LIPA: variants seen among roughly 807,000 people sequenced by gnomAD.
LIPA encodes lysosomal acid lipase/cholesteryl ester hydrolase.
In LIPA, 26 loss-of-function variants were observed where a neutral mutation model predicts 40.6. The ratio of observed to expected loss-of-function variants is 0.64; its 90% CI spans 0.47 to 0.89. The LOEUF (loss-of-function observed/expected upper bound fraction) is 0.89, where lower values mean the gene tolerates loss of function less well. Ranked by LOEUF, LIPA falls within the 40% of genes least tolerant of loss-of-function variation. LIPA has a pLI of 0.00. For missense variants in LIPA, 455 were observed against 479.6 expected (o/e 0.95, Z 0.48); for synonymous variants, 188 against 168.4 (o/e 1.12, Z -0.90).
At chr10:89,361,875 CTTTTTTTTTTTTTTTTTTTTT>C (rs59818683) in intron 2 of LIPA, among the ~76,000 whole-genome samples, 2 of 40,410 alleles carry the variant, frequency 4.9e-5, no homozygotes, top group Non-Finnish European at 9.4e-5. Flanking sequence ...CTCCACCTGC[CTTTTTTTTTTTTTTTTTTTTT>C]TTTTTTTTTT....
Position 89,403,256 on chromosome 10 carries a change from T to G in LIPA, c.61+9535A>C, listed in dbSNP as rs1326036048. 4 of 1,614,092 alleles carry G rather than the reference T, an allele frequency of 2.5e-6. No homozygotes were observed. In the Admixed American group the frequency reaches 5.0e-5, roughly 20 times the overall value. ...ACAAAATGATAAGATCAGCCATATT[T>G]CATTTTGAATCTGCAGTGGAAAAAA... On this transcript the variant is annotated intron_variant, in intron 2 of 8. Transcript: ENST00000371837.
At chr10:89,321,411 C>A (rs1283234083) in intron 1 of LIPA, among the ~76,000 whole-genome samples, 2 of 152,048 alleles carry the variant, frequency 1.3e-5, no homozygotes, top group Non-Finnish European at 2.9e-5. Context: ...TGGGCAAAGG[C>A]TATGAATGGA....
At chr10:89,292,446 T>C (rs1843379954) in intron 1 of LIPA, 1 of 152,158 alleles carries the variant, frequency 6.6e-6, no homozygotes. Flanking sequence ...TAGTCAAAGC[T>C]CCACATTAGA....
intron 2 of LIPA, among the ~76,000 whole-genome samples, chr10:89,401,859 G>A (rs1844429930): frequency 6.6e-6 from 1 of 151,684 alleles, no homozygotes; most frequent in Non-Finnish European, 1.5e-5. Flanking sequence ...TACATGCAGA[G>A]TAAGGTCCTG....
rs576111531 is a variant in LIPA at position 89,239,748 on chromosome 10, C to T, written c.229+5928G>A. On this transcript the variant is annotated intron_variant, in intron 3 of 9. Transcript: ENST00000336233. ...ACATTATCATAATTAGAGTTTTCCA[C>T]GCACCCAGGATGGTGCTGGGCCATT... 1.2e-4 allele frequency among the ~76,000 whole-genome samples: 18 copies of T among 152,348 alleles called. No homozygotes were observed. The South Asian group carries it at 3.1e-3, about 26-fold the overall frequency.
At chr10:89,333,925 G>A (rs7898580) in intron 1 of LIPA, among the ~76,000 whole-genome samples, 9,416 of 152,202 alleles carry the variant, frequency 0.062, 700 homozygotes, top group African/African-American at 0.18. Flanking sequence ...TGAGAAGTCC[G>A]GCTCTGGAGA....
upstream of LIPA, chr10:89,342,774 C>T (rs1169621664): frequency 6.6e-6 from 1 of 152,214 alleles, no homozygotes; most frequent in Non-Finnish European, 1.5e-5. Flanking sequence ...TTAGACTAAT[C>T]ACTGACAAGC....
chr10:89,257,472 T>C (rs911288268), intron 1 of LIPA, among the ~76,000 whole-genome samples: 3 of 152,194 alleles, frequency 2.0e-5, no homozygotes, highest in African/African-American at 2.4e-5. Flanking sequence ...CAGTTCTGCT[T>C]CCAGCAAAGA....
intron 3 of LIPA, among the ~76,000 whole-genome samples, chr10:89,243,515 T>G (rs961733183): frequency 6.6e-6 from 1 of 151,962 alleles, no homozygotes; most frequent in African/African-American, 2.4e-5. Flanking sequence ...TCTAAAGACC[T>G]AGACTCTCCA....
chr10:89,258,913 G>C (rs1026356335), intron 1 of LIPA, among the ~76,000 whole-genome samples: 11 of 152,126 alleles, frequency 7.2e-5, no homozygotes, highest in Non-Finnish European at 1.6e-4. Context: ...CAACATGGAT[G>C]AATCTTGAAA....
chr10:89,267,077 T>G (rs1843240349), intron 1 of LIPA, among the ~76,000 whole-genome samples: 1 of 152,254 alleles, frequency 6.6e-6, no homozygotes, highest in Non-Finnish European at 1.5e-5. Context: ...TCTATTTTTA[T>G]ATTATCTTCA....
intron 2 of LIPA, among the ~76,000 whole-genome samples, chr10:89,352,284 G>T (rs909973785): frequency 6.6e-6 from 1 of 152,150 alleles, no homozygotes; most frequent in African/African-American, 2.4e-5. Flanking sequence ...AATCACAGAG[G>T]AAGGGCAGTG....
chr10:89,371,554 A>G (rs1844091540), intron 2 of LIPA, among the ~76,000 whole-genome samples: 1 of 152,200 alleles, frequency 6.6e-6, no homozygotes, highest in Non-Finnish European at 1.5e-5. Flanking sequence ...ACAGCAAACC[A>G]CTAGTGATGG....
intron 1 of LIPA, among the ~76,000 whole-genome samples, chr10:89,277,655 A>G (rs543997778): frequency 6.6e-6 from 1 of 152,374 alleles, no homozygotes; most frequent in African/African-American, 2.4e-5. Context: ...GAAAACAACC[A>G]CTGAAAAATT....
chr10:89,301,142 G>T (rs1843443169), intron 1 of LIPA, among the ~76,000 whole-genome samples: 1 of 152,198 alleles, frequency 6.6e-6, no homozygotes, highest in African/African-American at 2.4e-5. Context: ...CAAAACCGAA[G>T]CAGAGACATT....
At chr10:89,367,623 A>G (rs543196670) in intron 2 of LIPA, among the ~76,000 whole-genome samples, 57 of 152,168 alleles carry the variant, frequency 3.7e-4, no homozygotes, top group Non-Finnish European at 5.4e-4. Context: ...TCTGATCAGG[A>G]GAGTCTGAAT....
At chr10:89,216,065 T>C (rs1198334088) in intron 8 of LIPA, 56 bp from the exon 9 acceptor site, 3 of 1,176,886 alleles carry the variant, frequency 2.5e-6, no homozygotes, top group African/African-American at 3.0e-5. Flanking sequence ...AGAGATAACA[T>C]CATAGGTTGC....
chr10:89,411,665 G>A (rs1841470049), intron 2 of LIPA, among the ~76,000 whole-genome samples: 1 of 152,168 alleles, frequency 6.6e-6, no homozygotes, highest in African/African-American at 2.4e-5. Context: ...CAGACTCTTT[G>A]GCAGCAGCGA....
At chr10:89,340,088 G>A in intron 1 of LIPA, 2 of 1,610,656 alleles carry the variant, frequency 1.2e-6, no homozygotes, top group African/African-American at 2.7e-5. Context: ...GTCAGCTCCA[G>A]TCCCAGAGAG....
Sources: gnomAD v4.1 joint callset for allele counts (sites outside exome capture counted in the v4.1 genomes callset) on GRCh38, gnomAD v4.1.1 for gene constraint, MANE v1.5 for transcripts, NCBI Gene and HGNC (gene_info 2026-07-23, HGNC 2026-07-21) for gene names.